The following NTN4 variants were observed in gnomAD, a reference collection of about 807,000 sequenced individuals.
NTN4 encodes the protein netrin 4.
NTN4 carries 32 observed loss-of-function variants against 73.6 expected under a neutral mutation model. The ratio of observed to expected loss-of-function variants is 0.44; its 90% CI spans 0.33 to 0.58. NTN4 has a LOEUF of 0.58. NTN4 is among the 20% of genes least tolerant of loss of function. NTN4 has a pLI of 0.04. For synonymous variants in NTN4, 258 were observed against 287.5 expected, an observed-to-expected ratio of 0.90 and a Z score of 1.04; for missense variants, 654 against 798.3, an observed-to-expected ratio of 0.82 and a Z score of 2.18.
intron 7 of NTN4, among the ~76,000 whole-genome samples, chr12:95,675,944 T>C (rs2078270097): frequency 6.6e-6 from 1 of 152,184 alleles, no homozygotes; most frequent in Admixed American, 6.5e-5. Context: ...GATGACATTC[T>C]TAAAAAGGGC....
At chr12:95,662,665 G>A (rs1277885089) in intron 9 of NTN4, among the ~76,000 whole-genome samples, 1 of 152,056 alleles carries the variant, frequency 6.6e-6, no homozygotes, top group Non-Finnish European at 1.5e-5. Context: ...GAATGAAAAG[G>A]CATTTAAATT....
At chr12:95,670,800 C>A (rs1277550679) in intron 7 of NTN4, among the ~76,000 whole-genome samples, 1 of 149,276 alleles carries the variant, frequency 6.7e-6, no homozygotes, top group Non-Finnish European at 1.5e-5. Context: ...TGGGAAAAAA[C>A]TTCTTGGATC....
chr12:95,681,219 T>A lies in NTN4; in HGVS notation c.1510+1488A>T, dbSNP rs186529863. ...AAAAAAAAAAAAAAAAGAGTAGATA[T>A]CATGTGCATGGAATTCTGAAATACT... On this transcript the variant is annotated intron_variant, in intron 7 of 9. Coordinates refer to ENST00000343702, the MANE Select transcript of NTN4 (RefSeq NM_021229.4). Among the ~76,000 whole-genome samples, 186 of 145,482 alleles carry A rather than the reference T, an allele frequency of 1.3e-3. 1 individual carries two copies. Among genetic ancestry groups the A allele is most frequent in the East Asian group, 7.9e-4 (4 of 5,040 alleles).
intron 7 of NTN4, among the ~76,000 whole-genome samples, chr12:95,682,056 G>GTT (rs1349857597): frequency 2.6e-5 from 1 of 37,962 alleles, no homozygotes; most frequent in African/African-American, 1.6e-4. Context: ...TATTCAGTAG[G>GTT]CTTTTTTTTT....
Position 95,683,660 on chromosome 12 carries a change from G to T in NTN4, c.1232C>A (p.Thr411Asn). ...GTCACCATTGCTGGGGTCGCAGAAG[G>T]TCACTGAGTTGGCAGGAAGGACAGC... ...GSAVLPANSV[T>N]FCDPSNGDCP... Residue 411 changes from threonine (T) to asparagine (N), a missense_variant, in exon 6 of 10, where the codon ACC (threonine) becomes AAC (asparagine). By Grantham distance (65) the Thr-to-Asn change is moderately conservative. Transcript: ENST00000343702. 1 of 1,613,864 alleles carries T rather than the reference G, an allele frequency of 6.2e-7. No individual in the cohort carries two copies. Among genetic ancestry groups the T allele is most frequent in the Non-Finnish European group, 8.5e-7 (1 of 1,179,886 alleles).
At chr12:95,767,691 A>C (rs2079029346) in intron 2 of NTN4, among the ~76,000 whole-genome samples, 1 of 152,122 alleles carries the variant, frequency 6.6e-6, no homozygotes, top group African/African-American at 2.4e-5. Flanking sequence ...CACCCTTCCC[A>C]ATCATTTCCC....
At chr12:95,760,502 T>C (rs1317244917) in intron 2 of NTN4, among the ~76,000 whole-genome samples, 1 of 152,106 alleles carries the variant, frequency 6.6e-6, no homozygotes, top group African/African-American at 2.4e-5. Context: ...TGAGCACTCA[T>C]CTCTGTCTCC....
chr12:95,748,119 CACTCAGG>C lies in NTN4; in HGVS notation c.586-9982_586-9976del, dbSNP rs1274663900. Among the ~76,000 whole-genome samples the C allele has an allele frequency of 8.6e-5, 13 of 150,816 alleles. No individual in the cohort carries two copies. In the South Asian group the frequency reaches 1.9e-3, roughly 22 times the overall value. On this transcript the variant is annotated intron_variant, in intron 2 of 9. Transcript: ENST00000343702. ...GGTGGTACGCACCTGTAGTCCCAGCCACTCAGGAGGCTGAGGCAGGAGAATCACTTGA... is the reference window on the plus strand; with the variant it reads ...GGTGGTACGCACCTGTAGTCCCAGCCAGGCTGAGGCAGGAGAATCACTTGA...
intron 2 of NTN4, among the ~76,000 whole-genome samples, chr12:95,770,050 C>T (rs926692058): frequency 2.0e-5 from 3 of 152,168 alleles, no homozygotes; most frequent in Non-Finnish European, 2.9e-5. Context: ...AGTGACCACT[C>T]CCGGCGGGTT....
intron 7 of NTN4, chr12:95,672,749 A>T (rs143444459): frequency 2.7e-4 from 371 of 1,374,162 alleles, no homozygotes; most frequent in Non-Finnish European, 2.9e-4. Context: ...ACAGATGATC[A>T]GCTATCCTCC....
intron 2 of NTN4, among the ~76,000 whole-genome samples, chr12:95,744,856 T>G (rs984134211): frequency 6.7e-6 from 1 of 149,952 alleles, no homozygotes; most frequent in Non-Finnish European, 1.5e-5. Context: ...TTTTTTGGCT[T>G]CTTTATGTCT....
chr12:95,737,130 T>C (rs2121173413), intron 3 of NTN4, among the ~76,000 whole-genome samples: 1 of 152,312 alleles, frequency 6.6e-6, no homozygotes, highest in Non-Finnish European at 1.5e-5. Flanking sequence ...CCACTCTGTA[T>C]CTTTTCTGGA....
intron 2 of NTN4, among the ~76,000 whole-genome samples, chr12:95,748,788 A>T (rs2078881672): frequency 6.6e-6 from 1 of 152,168 alleles, no homozygotes; most frequent in Admixed American, 6.5e-5. Context: ...TATATATAAA[A>T]TCACATTTCT....
At chr12:95,777,914 A>AAGTAG (rs150459346) in intron 2 of NTN4, among the ~76,000 whole-genome samples, 1 of 4,212 alleles carries the variant, frequency 2.4e-4, no homozygotes, top group African/African-American at 2.7e-3. Context: ...ACATAGCTGG[A>AAGTAG]AGTACTCCTC....
intron 2 of NTN4, among the ~76,000 whole-genome samples, chr12:95,750,239 T>C (rs1258561534): frequency 6.7e-6 from 1 of 149,878 alleles, no homozygotes; most frequent in African/African-American, 2.5e-5. Flanking sequence ...CTCTTATCTC[T>C]GCGCCCCAAC....
At chr12:95,779,489 G>A (rs11108261) in intron 2 of NTN4, among the ~76,000 whole-genome samples, 10,263 of 152,126 alleles carry the variant, frequency 0.067, 1,084 homozygotes, top group African/African-American at 0.22. Context: ...TGCGAAAATC[G>A]CAAGCATTCT....
At chr12:95,741,465 A>ATC (rs1355080268) in intron 2 of NTN4, among the ~76,000 whole-genome samples, 222 of 115,998 alleles carry the variant, frequency 1.9e-3, no homozygotes, top group African/African-American at 7.1e-3. Flanking sequence ...ATATATATAT[A>ATC]TATATATATC....
intron 9 of NTN4, among the ~76,000 whole-genome samples, chr12:95,663,105 A>G (rs1219635609): frequency 1.3e-5 from 2 of 150,134 alleles, no homozygotes; most frequent in Non-Finnish European, 3.0e-5. Context: ...GCAACAGAGC[A>G]GAGAACCCTG....
At chr12:95,748,200 C>T (rs372359395) in intron 2 of NTN4, among the ~76,000 whole-genome samples, 10 of 129,850 alleles carry the variant, frequency 7.7e-5, no homozygotes, top group South Asian at 5.0e-4. Flanking sequence ...CACTGCAATC[C>T]GGCCTGGGCG....
Sources: allele counts gnomAD v4.1 joint callset (sites outside exome capture counted in the v4.1 genomes callset), GRCh38; gene constraint gnomAD v4.1.1; transcripts MANE v1.5; gene names NCBI Gene and HGNC (gene_info 2026-07-23, HGNC 2026-07-21).